Variants in FNDC1 observed in about 807,000 individuals in gnomAD.
FNDC1 encodes the protein fibronectin type III domain-containing protein 1.
FNDC1 carries 96 observed loss-of-function variants against 168.0 expected under a neutral mutation model. That is an observed-to-expected ratio of 0.57 (90% CI 0.48 to 0.68). The LOEUF (loss-of-function observed/expected upper bound fraction) is 0.68. FNDC1 is among the 30% of genes least tolerant of loss of function. The pLI is 0.00. For synonymous variants in FNDC1, 1,099 were observed against 1,025.9 expected (o/e 1.07, Z -1.36); for missense variants, 2,587 against 2,482.1 (o/e 1.04, Z -0.90).
intron 16 of FNDC1, among the ~76,000 whole-genome samples, chr6:159,249,618 G>A (rs1346130862): frequency 6.6e-6 from 1 of 152,202 alleles, no homozygotes; most frequent in Non-Finnish European, 1.5e-5. Context: ...TGAAGGGGAA[G>A]CTTTTTTCTT....
intron 1 of FNDC1, among the ~76,000 whole-genome samples, chr6:159,182,106 T>A (rs1479958993): frequency 1.3e-5 from 2 of 152,150 alleles, no homozygotes; most frequent in African/African-American, 4.8e-5. Context: ...TGTGAGGCCT[T>A]GGGGTGATCT....
chr6:159,185,293 A>G (rs1781972079), intron 1 of FNDC1, among the ~76,000 whole-genome samples: 1 of 152,196 alleles, frequency 6.6e-6, no homozygotes, highest in Non-Finnish European at 1.5e-5. Flanking sequence ...TCAAAATTAA[A>G]TTCCCAGAGG....
intron 4 of FNDC1, among the ~76,000 whole-genome samples, chr6:159,213,702 A>AAAC (rs1491097680): frequency 1.5e-5 from 1 of 65,086 alleles, no homozygotes; most frequent in Non-Finnish European, 2.8e-5. Context: ...GACTAAAAAC[A>AAAC]AAAAAAAAAA....
intron 1 of FNDC1, among the ~76,000 whole-genome samples, chr6:159,186,977 A>T (rs1021334333): frequency 3.3e-5 from 5 of 152,224 alleles, no homozygotes; most frequent in Non-Finnish European, 5.9e-5. Flanking sequence ...ATGCGTTGTT[A>T]TCAAAATGCT....
In FNDC1 at chr6:159,266,191, G is replaced by C; in HGVS notation, c.5392G>C (p.Val1798Leu). ...KRTWYRKFVG[V>L]VLCNSLRYKI... ...CACGTGGTATCGAAAGTTCGTGGGA[G>C]TTGTTCTTTGTAATTCACTGAGGTA... Residue 1798 changes from valine (V) to leucine (L), a missense_variant, in exon 21 of 23, where the codon GTT becomes CTT. Transcript: ENST00000297267. 6.2e-7 allele frequency: 1 copy of C among 1,614,032 alleles called. No individual in the cohort carries two copies. Among genetic ancestry groups the C allele is most frequent in the Non-Finnish European group, 8.5e-7 (1 of 1,179,890 alleles).
At chr6:159,188,729 A>AAAAATGTT (rs1360463793) in intron 1 of FNDC1, among the ~76,000 whole-genome samples, 5 of 150,386 alleles carry the variant, frequency 3.3e-5, no homozygotes, top group Non-Finnish European at 5.9e-5. Context: ...GGGTAGCTTC[A>AAAAATGTT]AAAATGTTAA....
chr6:159,175,560 A>G (rs1353415163), intron 1 of FNDC1, among the ~76,000 whole-genome samples: 1 of 152,172 alleles, frequency 6.6e-6, no homozygotes, highest in Non-Finnish European at 1.5e-5. Context: ...CTGTTGAAAA[A>G]TGATTATGTG....
Position 159,271,567 on chromosome 6 carries a change from A to T in FNDC1, c.*125A>T. ...GCCCTAGGTGCCAGGAAGGTCATAG[A>T]TGGACACTGGCCATTCTGGTCATCT... On this transcript the variant is annotated 3_prime_UTR_variant, in exon 23 of 23. Coordinates refer to ENST00000297267, the MANE Select transcript of FNDC1 (RefSeq NM_032532.3). 1 of 674,876 alleles carries T rather than the reference A, an allele frequency of 1.5e-6. No individual in the cohort carries two copies. The highest frequency in any genetic ancestry group is 2.2e-5 in the Admixed American group (1 of 45,164). 41.8% of individuals were successfully genotyped at this position (674,876 alleles called of 1,614,324 possible). A position where few individuals can be genotyped will look rare whatever the true frequency, so the allele number is the denominator to read the frequency against.
In FNDC1 at chr6:159,233,690, T is replaced by C. The variant is rs1482311480; in HGVS notation, c.3178T>C (p.Ser1060Pro). ...HSSSDPYTASSRGMLPTALQN... is the reference protein window; with the variant it reads ...HSSSDPYTASPRGMLPTALQN... ...CTCCTCGGACCCTTACACGGCGAGCTCCAGAGGGATGCTCCCCACGGCCCT... is the reference window on the plus strand; with the variant it reads ...CTCCTCGGACCCTTACACGGCGAGCCCCAGAGGGATGCTCCCCACGGCCCT... The change falls in exon 11 of 23, where the codon TCC becomes CCC. Residue 1060 changes from serine (S) to proline (P), a missense_variant. Ser to Pro is a moderately conservative substitution (Grantham distance 74, BLOSUM62 -1). Transcript: ENST00000297267. The surrounding 1 kb of genome is among the most constrained non-coding windows in gnomAD (Gnocchi z 4.6). 2 of 1,549,414 alleles carry C rather than the reference T, an allele frequency of 1.3e-6. No individual in the cohort carries two copies. The highest frequency in any genetic ancestry group is 2.4e-5 in the South Asian group (2 of 84,052).
chr6:159,189,701 T>C (rs1032682662), intron 1 of FNDC1, among the ~76,000 whole-genome samples: 3 of 152,168 alleles, frequency 2.0e-5, no homozygotes, highest in African/African-American at 7.2e-5. Flanking sequence ...GTATAAGAAG[T>C]AAAGGAGGAA....
chr6:159,232,986 T>C lies in FNDC1; in HGVS notation c.2474T>C (p.Phe825Ser), dbSNP rs1783133080. The C allele has an allele frequency of 3.1e-6, 5 of 1,612,188 alleles. No individual in the cohort carries two copies. The highest frequency in any genetic ancestry group is 4.2e-6 in the Non-Finnish European group (5 of 1,179,630). Residue 825 changes from phenylalanine to serine, a missense_variant, in exon 11 of 23, where the codon TTT (phenylalanine) becomes TCT (serine). Coordinates refer to ENST00000297267, the MANE Select transcript of FNDC1 (RefSeq NM_032532.3). The surrounding 1 kb of genome is among the most constrained non-coding windows in gnomAD (Gnocchi z 4.9). ...GHFHLLRHKPFAANGRSPSRF... is the reference protein window; with the variant it reads ...GHFHLLRHKPSAANGRSPSRF... Reference sequence around the variant, plus strand: ...TTCCATTTGCTCAGACACAAACCCTTTGCTGCCAACGGGAGGTCTCCAAGC... The same window carrying C: ...TTCCATTTGCTCAGACACAAACCCTCTGCTGCCAACGGGAGGTCTCCAAGC...
chr6:159,184,731 T>C (rs185760444), intron 1 of FNDC1, among the ~76,000 whole-genome samples: 98 of 152,298 alleles, frequency 6.4e-4, no homozygotes, highest in Middle Eastern at 3.4e-3. Context: ...GAATAAATTT[T>C]CAGGGAGTGG....
chr6:159,173,901 G>A (rs1781710835), intron 1 of FNDC1, among the ~76,000 whole-genome samples: 1 of 152,098 alleles, frequency 6.6e-6, no homozygotes. Flanking sequence ...ATCTTTGGGG[G>A]ATCATTATTC....
At chr6:159,176,535 T>TG (rs1781765024) in intron 1 of FNDC1, among the ~76,000 whole-genome samples, 1 of 152,212 alleles carries the variant, frequency 6.6e-6, no homozygotes, top group African/African-American at 2.4e-5. Context: ...GAAGGACATC[T>TG]CTGGTCGAGG....
At chr6:159,237,725 A>T (rs890937661) in intron 12 of FNDC1, among the ~76,000 whole-genome samples, 4 of 152,232 alleles carry the variant, frequency 2.6e-5, no homozygotes, top group African/African-American at 9.6e-5. Flanking sequence ...CACCCAAACT[A>T]CTTCTCAAAG....
Position 159,232,834 on chromosome 6 carries a change from G to C in FNDC1, c.2322G>C (p.Arg774Ser), listed in dbSNP as rs758435822. 1 of 1,613,950 alleles carries C rather than the reference G, an allele frequency of 6.2e-7. No individual in the cohort carries two copies. Among genetic ancestry groups the C allele is most frequent in the Non-Finnish European group, 8.5e-7 (1 of 1,179,898 alleles). The change falls in exon 11 of 23, where the codon AGG becomes AGC. Residue 774 changes from arginine (R) to serine (S), a missense_variant. By Grantham distance (110) the Arg-to-Ser change is moderately radical. Transcript: ENST00000297267. The surrounding 1 kb of genome is among the most constrained non-coding windows in gnomAD (Gnocchi z 4.9). ...CCGTCTCTTCTCATCTCTCGTCCAG[G>C]ACGCAGGTCTCTGAGGGAGCGGAGG... ...SSSVSSHLSS[R>S]TQVSEGAEAS...
chr6:159,207,376 CACTTGCCTTCAAGTCCTGG>C (rs1197286249), intron 4 of FNDC1, among the ~76,000 whole-genome samples: 16 of 152,294 alleles, frequency 1.1e-4, no homozygotes, highest in African/African-American at 3.4e-4. Flanking sequence ...TTGCATGAAG[CACTTGCCTTCAAGTCCTGG>C]ACTTGCCTTC....
In FNDC1 at chr6:159,251,359, C is replaced by T. The variant is rs1777258621; in HGVS notation, c.4892C>T (p.Ala1631Val). The change falls in exon 17 of 23, where the codon GCA (alanine) becomes GTA (valine). Residue 1631 changes from alanine to valine, a missense_variant. Coordinates refer to ENST00000297267, the MANE Select transcript of FNDC1 (RefSeq NM_032532.3). ...TCAGCCCCGTGCTCTCTGACTGATG[C>T]ACTGGATCACTTCCAAGTGGACAGC... Reference protein sequence around the residue: ...DPSAPCSLTDALDHFQVDSLD... With the variant: ...DPSAPCSLTDVLDHFQVDSLD... The T allele has an allele frequency of 1.9e-6, 3 of 1,613,868 alleles. No individual in the cohort carries two copies. Among genetic ancestry groups the T allele is most frequent in the Non-Finnish European group, 2.5e-6 (3 of 1,179,892 alleles).
intron 1 of FNDC1, among the ~76,000 whole-genome samples, chr6:159,177,720 G>A (rs1030792112): frequency 3.9e-5 from 6 of 152,284 alleles, no homozygotes; most frequent in Middle Eastern, 3.4e-3. Flanking sequence ...TCTGATGGAT[G>A]TGTGCTCGTG....
Sources: allele counts gnomAD v4.1 joint callset (sites outside exome capture counted in the v4.1 genomes callset), GRCh38; gene constraint gnomAD v4.1.1; non-coding constraint Gnocchi (gnomAD v3.1); transcripts MANE v1.5; gene names NCBI Gene and HGNC (gene_info 2026-07-23, HGNC 2026-07-21).